The following KCTD2 variants were observed in gnomAD, a reference collection of about 807,000 sequenced individuals.
The protein encoded by KCTD2 is BTB/POZ domain-containing protein KCTD2.
In KCTD2, 18 loss-of-function variants were observed where a neutral mutation model predicts 27.9. That is an observed-to-expected ratio of 0.64 (90% CI 0.45 to 0.96). KCTD2 has a LOEUF of 0.96. Ranked by LOEUF, KCTD2 falls within the 40% of genes least tolerant of loss-of-function variation. The pLI, the probability that KCTD2 is intolerant of heterozygous loss-of-function variation, is 0.00. For synonymous variants in KCTD2, 175 were observed against 148.4 expected (o/e 1.18, Z -1.30); for missense variants, 280 against 348.0 (o/e 0.80, Z 1.56).
At chr17:75,039,918 TTCAC>T in intron 3 of KCTD2, 1 of 704,990 alleles carries the variant, frequency 1.4e-6, no homozygotes, top group Non-Finnish European at 2.4e-6. Flanking sequence ...GTTGGCTTCT[TTCAC>T]TCCGCATAAT....
chr17:75,053,159 C>T (rs767188491), intron 3 of KCTD2, 54 bp downstream of exon 3: 25 of 1,400,658 alleles, frequency 1.8e-5, no homozygotes, highest in Non-Finnish European at 2.2e-5. Flanking sequence ...TTCTGTCGGT[C>T]GGTCTGTGAT....
intron 2 of KCTD2, among the ~76,000 whole-genome samples, chr17:75,050,238 T>C (rs986513113): frequency 1.3e-5 from 2 of 152,216 alleles, no homozygotes; most frequent in Non-Finnish European, 2.9e-5. Flanking sequence ...TTTTAATTTT[T>C]GTAAGTACCT....
At chr17:75,041,824 G>A (rs1236760992) in intron 3 of KCTD2, 2 of 177,814 alleles carry the variant, frequency 1.1e-5, no homozygotes, top group Non-Finnish European at 2.3e-5. Flanking sequence ...TATGCCGATC[G>A]GGTGTCTTCA....
intron 3 of KCTD2, among the ~76,000 whole-genome samples, chr17:75,037,001 TG>T (rs2073108805): frequency 6.6e-6 from 1 of 152,196 alleles, no homozygotes. Context: ...AAGACTACGC[TG>T]ATTTCTCGAG....
intron 3 of KCTD2, among the ~76,000 whole-genome samples, chr17:75,056,955 T>TC (rs1224498873): frequency 7.4e-5 from 10 of 135,418 alleles, no homozygotes. Flanking sequence ...CTTTTTTCTT[T>TC]TTTTTTTTTT....
At chr17:75,051,553 C>T (rs1020847015) in intron 2 of KCTD2, among the ~76,000 whole-genome samples, 2 of 147,280 alleles carry the variant, frequency 1.4e-5, no homozygotes, top group Non-Finnish European at 3.0e-5. Flanking sequence ...CGAAATGCTG[C>T]GATTACAGGC....
chr17:75,048,399 T>C (rs760558450), intron 1 of KCTD2, among the ~76,000 whole-genome samples: 6 of 152,196 alleles, frequency 3.9e-5, no homozygotes, highest in East Asian at 1.9e-4. Flanking sequence ...CACCATCTTA[T>C]ATCCCATATA....
rs2073231899 is a variant in KCTD2 at position 75,047,250 on chromosome 17, G to A, written c.-1G>A. ...AGCAGCGGTGGCGGCGGCGGTCCAA[G>A]ATGGCGGAACTGCAGCTGGACCCGG... On this transcript the variant is annotated 5_prime_UTR_variant, in exon 1 of 6. Coordinates refer to ENST00000322444, the MANE Select transcript of KCTD2 (RefSeq NM_015353.3). 1.1e-6 allele frequency: 1 copy of A among 884,578 alleles called. No individual in the cohort carries two copies. Among genetic ancestry groups the A allele is most frequent in the Non-Finnish European group, 1.4e-6 (1 of 706,690 alleles). 54.8% of individuals were successfully genotyped at this position (884,578 alleles called of 1,614,324 possible).
At chr17:75,037,067 A>G (rs8079265) in intron 3 of KCTD2, among the ~76,000 whole-genome samples, 119,196 of 152,144 alleles carry the variant, frequency 0.78, 47,753 homozygotes, top group African/African-American at 0.94. Flanking sequence ...AAAATGGGCC[A>G]GGTGCGGTGG....
intron 1 of KCTD2, among the ~76,000 whole-genome samples, chr17:75,033,293 G>A (rs753332473): frequency 1.6e-4 from 24 of 151,710 alleles, no homozygotes; most frequent in Admixed American, 5.3e-4. Flanking sequence ...CTTTAATAAT[G>A]GATTTTAAAT....
upstream of KCTD2, among the ~76,000 whole-genome samples, chr17:75,043,019 C>T (rs568239931): frequency 5.9e-5 from 9 of 151,924 alleles, no homozygotes; most frequent in Admixed American, 3.3e-4. Context: ...GTCAGGAGTT[C>T]GAGACCAGCA....
At position 75,047,374 on chromosome 17, in the gene KCTD2, C is replaced by G; in HGVS notation, c.124C>G (p.Arg42Gly). ...CCCACGCCCGGCTGGCCCCACGCCC[C>G]GCGGGCACGGCCGCCCGGCTGCCGC... The part of the protein sequence containing the change: ...PSPRPAGPTP[R>G]GHGRPAAAVA... The change falls in exon 1 of 6, where the codon CGC (arginine) becomes GGC (glycine). Residue 42 changes from arginine (R) to glycine (G), a missense_variant. Transcript: ENST00000322444. 1 of 1,129,194 alleles carries G rather than the reference C, an allele frequency of 8.9e-7. No homozygotes were observed. 69.9% of individuals were successfully genotyped at this position (1,129,194 alleles called of 1,614,324 possible).
In KCTD2 at chr17:75,062,224, A is replaced by G. The variant is rs1278132061; in HGVS notation, c.741A>G (p.Ile247Met). Reference protein sequence around the residue: ...ELNNSTNGIVIEPSEKAKILQ... With the variant: ...ELNNSTNGIVMEPSEKAKILQ... ...ATAATTCTACCAATGGCATCGTCAT[A>G]GAGCCGAGCGAAAAGGCGAAGGTAA... The change falls in exon 5 of 6, where the codon ATA (isoleucine) becomes ATG (methionine). Residue 247 changes from isoleucine (I) to methionine (M), a missense_variant. By Grantham distance (10) the Ile-to-Met change is conservative (BLOSUM62 1). Transcript: ENST00000322444. The G allele has an allele frequency of 1.4e-5, 22 of 1,613,158 alleles. No individual in the cohort carries two copies. The highest frequency in any genetic ancestry group is 1.9e-5 in the Non-Finnish European group (22 of 1,179,736).
intron 3 of KCTD2, among the ~76,000 whole-genome samples, chr17:75,056,922 C>T (rs986270422): frequency 2.7e-5 from 4 of 148,860 alleles, no homozygotes; most frequent in African/African-American, 7.4e-5. Context: ...CACCTAACTA[C>T]TTTCCTCTGT....
At position 75,063,059 on chromosome 17, in the gene KCTD2, GA is replaced by G. The variant is rs779941658; in HGVS notation, c.*16del. The G allele has an allele frequency of 1.3e-5, 21 of 1,613,148 alleles. No homozygotes were observed. Among genetic ancestry groups the G allele is most frequent in the Non-Finnish European group, 1.7e-5 (20 of 1,179,508 alleles). On this transcript the variant is annotated 3_prime_UTR_variant, in exon 6 of 6. Transcript: ENST00000322444. Reference sequence around the variant, plus strand: ...GATCGCGGATGTAAACTAAGACCCCGAAAACTCCAGACCTTCAGGAGAGCAG... The same window carrying G: ...GATCGCGGATGTAAACTAAGACCCCGAAACTCCAGACCTTCAGGAGAGCAG...
intron 1 of KCTD2, 29 bp downstream of exon 1, chr17:75,047,618 G>A (rs1567990170): frequency 1.9e-6 from 3 of 1,590,210 alleles, no homozygotes; most frequent in African/African-American, 2.7e-5. Flanking sequence ...CGCGCCCCCG[G>A]GCCTTCGAAC....
intron 3 of KCTD2, chr17:75,040,226 C>T: frequency 4.4e-6 from 7 of 1,598,650 alleles, no homozygotes; most frequent in South Asian, 1.1e-5. Flanking sequence ...GACAGTGAGT[C>T]GTCGCCAATA....
Position 75,059,563 on chromosome 17 carries a change from G to C in KCTD2, c.594G>C (p.Thr198=). Residue 198 remains threonine (T), a synonymous_variant, in exon 4 of 6, where the codon ACG becomes ACC. Coordinates refer to ENST00000322444, the MANE Select transcript of KCTD2 (RefSeq NM_015353.3). ...TGCAGTGTCAGGAAGAAGAGCTCAC[G>C]CAGATGGTGTCCACGATGTCCGACG... is the stretch of plus-strand genomic sequence containing the variant. ...RVLQCQEEEL[T]QMVSTMSDGW... 6.2e-7 allele frequency: 1 copy of C among 1,614,146 alleles called. No individual in the cohort carries two copies. The highest frequency in any genetic ancestry group is 2.2e-5 in the East Asian group (1 of 44,886).
chr17:75,047,448 G>A lies in KCTD2; in HGVS notation c.198G>A (p.Gly66=), dbSNP rs781247341. The change falls in exon 1 of 6, where the codon GGG becomes GGA. Residue 66 remains glycine (G), a synonymous_variant. Coordinates refer to ENST00000322444, the MANE Select transcript of KCTD2 (RefSeq NM_015353.3). ...GTCCCGGACCACCCGAGCGGGCAGG[G>A]GGCGGCGGCGCGGCCCGCTGGGTCA... ...EPGPGPPERA[G]GGGAARWVRL... is the part of the protein sequence containing the mutation. The A allele has an allele frequency of 2.0e-6, 3 of 1,536,146 alleles. No homozygotes were observed. The South Asian group carries it at 3.5e-5, about 18-fold the overall frequency.
Sources: gnomAD v4.1 joint callset for allele counts (sites outside exome capture counted in the v4.1 genomes callset) on GRCh38, gnomAD v4.1.1 for gene constraint, MANE v1.5 for transcripts, NCBI Gene and HGNC (gene_info 2026-07-23, HGNC 2026-07-21) for gene names.